SHFL: variants seen among roughly 807,000 people sequenced by gnomAD.
SHFL encodes the protein shiftless antiviral inhibitor of ribosomal frameshifting.
A neutral mutation model predicts 34.7 loss-of-function variants in SHFL; 12 were observed. That is an observed-to-expected ratio of 0.35 (90% CI 0.22 to 0.56). The LOEUF (loss-of-function observed/expected upper bound fraction) is 0.56, where lower values mean the gene tolerates loss of function less well. Ranked by LOEUF, SHFL falls within the 20% of genes least tolerant of loss-of-function variation. The pLI, the probability that SHFL is intolerant of heterozygous loss-of-function variation, is 0.88. For synonymous variants in SHFL, 148 were observed against 156.0 expected (o/e 0.95, Z 0.38); for missense variants, 278 against 411.1 (o/e 0.68, Z 2.80).
Position 10,086,572 on chromosome 19 carries a change from T to A in SHFL, c.21+124T>A, listed in dbSNP as rs958617342. 26 of 965,846 alleles carry A rather than the reference T, an allele frequency of 2.7e-5. No homozygotes were observed. The highest frequency in any genetic ancestry group is 2.9e-4 in the Middle Eastern group (1 of 3,460). 59.8% of individuals were successfully genotyped at this position (965,846 alleles called of 1,614,324 possible). On this transcript the variant is annotated intron_variant, in intron 1 of 7. Transcript: ENST00000253110. The surrounding 1 kb of genome is among the most constrained non-coding windows in gnomAD (Gnocchi z 5.2). Reference sequence around the variant, plus strand: ...TCCTAGAACCCCAGATCCTTACCCCTGCCTGGCGCTCGCCCCCCTTGAAAA... The same window carrying A: ...TCCTAGAACCCCAGATCCTTACCCCAGCCTGGCGCTCGCCCCCCTTGAAAA...
Position 10,086,361 on chromosome 19 carries a change from C to T in SHFL, c.-67C>T. On this transcript the variant is annotated 5_prime_UTR_variant, in exon 1 of 8. Transcript: ENST00000253110. This position sits in a 1 kb window ranked among gnomAD's most constrained non-coding sequence, Gnocchi z 5.2. ...TGCGCGGCTGCTGGACCGACGGGCG[C>T]ACCCAGGTAGGGGGGCGGCTGAGCC... The T allele has an allele frequency of 8.0e-7, 1 of 1,254,898 alleles. No homozygotes were observed. The highest frequency in any genetic ancestry group is 1.0e-6 in the Non-Finnish European group (1 of 990,334). 77.7% of individuals were successfully genotyped at this position (1,254,898 alleles called of 1,614,324 possible).
intron 3 of SHFL, 31 bp downstream of exon 3, chr19:10,087,331 G>A (rs1374033205): frequency 5.0e-6 from 8 of 1,613,614 alleles, no homozygotes; most frequent in East Asian, 2.2e-5. Flanking sequence ...GCAAAGGACC[G>A]GGTCACGGGA....
chr19:10,089,943 A>G lies in SHFL; in HGVS notation c.280A>G (p.Met94Val). 6.2e-7 allele frequency: 1 copy of G among 1,612,094 alleles called. No homozygotes were observed. Residue 94 changes from methionine to valine, a missense_variant, in exon 5 of 8, where the codon ATG (methionine) becomes GTG (valine). Met to Val is a conservative substitution (Grantham distance 21, BLOSUM62 1). Transcript: ENST00000253110. ...LLPLTEANLRMFQRAQDDLIP... is the reference protein window; with the variant it reads ...LLPLTEANLRVFQRAQDDLIP... ...GCCACTGACAGAAGCCAACCTACGC[A>G]TGTTTCAACGTGCCCAGGACGACCT...
chr19:10,087,630 T>C, intron 3 of SHFL: 1 of 357,700 alleles, frequency 2.8e-6, no homozygotes, highest in Non-Finnish European at 5.1e-6. Context: ...GTACCAAGTC[T>C]TAAAGGATGG....
rs2088294206 is a variant in SHFL, at chr19:10,086,809, G to GC, written c.22-120_22-119insC. On this transcript the variant is annotated intron_variant, in intron 1 of 7. Transcript: ENST00000253110. The surrounding 1 kb of genome is among the most constrained non-coding windows in gnomAD (Gnocchi z 5.2). ...GCCGTAAAGGGATGAAAGGCGGGGGGGGGGCGGCGGAGGCCAAAACCAAGG... is the reference window on the plus strand; with the variant it reads ...GCCGTAAAGGGATGAAAGGCGGGGGGCGGGGCGGCGGAGGCCAAAACCAAGG... 2 of 1,200,506 alleles carry GC rather than the reference G, an allele frequency of 1.7e-6. No homozygotes were observed. Among genetic ancestry groups the GC allele is most frequent in the Non-Finnish European group, 1.2e-6 (1 of 860,212 alleles). 74.4% of individuals were successfully genotyped at this position (1,200,506 alleles called of 1,614,324 possible).
chr19:10,089,242 G>T (rs1599274816), intron 3 of SHFL: 1 of 1,505,140 alleles, frequency 6.6e-7, no homozygotes, highest in East Asian at 2.4e-5. Context: ...GGAGTGGCTT[G>T]CCCAAGTCCC....
chr19:10,090,204 C>T (rs2145156301), intron 5 of SHFL, 157 bp downstream of exon 5: 1 of 820,274 alleles, frequency 1.2e-6, no homozygotes, highest in Admixed American at 2.5e-5. Context: ...CTGATCCCAA[C>T]CCCTGACCCA....
chr19:10,092,440 T>TC lies in SHFL; in HGVS notation c.*141dup. The TC allele has an allele frequency of 6.6e-7, 1 of 1,519,924 alleles. No homozygotes were observed. The highest frequency in any genetic ancestry group is 8.8e-7 in the Non-Finnish European group (1 of 1,131,438). 94.2% of individuals were successfully genotyped at this position (1,519,924 alleles called of 1,614,324 possible). On this transcript the variant is annotated 3_prime_UTR_variant, in exon 8 of 8. Coordinates refer to ENST00000253110, the MANE Select transcript of SHFL (RefSeq NM_018381.4). ...GATATTGACGGGGGGGATTCCTGGG[T>TC]CCCATTTTCAGCGCCCAGGGTCACA...
In SHFL at chr19:10,089,928, G is replaced by A. The variant is rs2088352776; in HGVS notation, c.265G>A (p.Glu89Lys). 1.2e-6 allele frequency: 2 copies of A among 1,612,114 alleles called. No homozygotes were observed. Among genetic ancestry groups the A allele is most frequent in the Non-Finnish European group, 1.7e-6 (2 of 1,179,330 alleles). ...GGCGACCTCCCTCCTGCCACTGACA[G>A]AAGCCAACCTACGCATGTTTCAACG... ...AVATSLLPLT[E>K]ANLRMFQRAQ... The change falls in exon 5 of 8, where the codon GAA (glutamate) becomes AAA (lysine). Residue 89 changes from glutamate to lysine, a missense_variant. This residue lies in a region of SHFL where 243 missense variants were observed against 386.2 expected (regional missense o/e 0.63). Transcript: ENST00000253110.
At position 10,086,584 on chromosome 19, in the gene SHFL, G is replaced by T; in HGVS notation, c.21+136G>T. ...AGATCCTTACCCCTGCCTGGCGCTCGCCCCCCTTGAAAAGGAAAGTGACTC... is the reference window on the plus strand; with the variant it reads ...AGATCCTTACCCCTGCCTGGCGCTCTCCCCCCTTGAAAAGGAAAGTGACTC... On this transcript the variant is annotated intron_variant, in intron 1 of 7. Coordinates refer to ENST00000253110, the MANE Select transcript of SHFL (RefSeq NM_018381.4). This position sits in a 1 kb window ranked among gnomAD's most constrained non-coding sequence, Gnocchi z 5.2. The T allele has an allele frequency of 1.1e-6, 1 of 884,996 alleles. No homozygotes were observed. The highest frequency in any genetic ancestry group is 1.6e-6 in the Non-Finnish European group (1 of 639,654). 54.8% of individuals were successfully genotyped at this position (884,996 alleles called of 1,614,324 possible).
chr19:10,092,609 T>G lies in SHFL; in HGVS notation c.*307T>G, dbSNP rs2088416165. 2.5e-6 allele frequency: 4 copies of G among 1,608,592 alleles called. No individual in the cohort carries two copies. In the East Asian group the frequency reaches 8.9e-5, roughly 36 times the overall value. ...CAGAGTCACAGCTTCAGGGGCCGAA[T>G]GAGCATGGCGGCCTTCCTGAGAGAA... On this transcript the variant is annotated 3_prime_UTR_variant, in exon 8 of 8. Transcript: ENST00000253110.
chr19:10,087,138 C>T, intron 2 of SHFL, 86 bp downstream of exon 2: 3 of 1,586,140 alleles, frequency 1.9e-6, no homozygotes, highest in Non-Finnish European at 2.6e-6. Context: ...GCGTTGAGAT[C>T]ACCTCCCCCG....
At position 10,091,540 on chromosome 19, in the gene SHFL, C is replaced by T. The variant is rs1490610484; in HGVS notation, c.553C>T (p.Arg185Trp). The T allele has an allele frequency of 6.4e-7, 1 of 1,550,634 alleles. No individual in the cohort carries two copies. Among genetic ancestry groups the T allele is most frequent in the Non-Finnish European group, 8.7e-7 (1 of 1,146,904 alleles). ...YGCGFPVYPT[R>W]ILPPRWDRDP... ...GTGCGGCTTCCCCGTGTATCCAACACGGATCCTCCCCCCGCGCTGGGACCG... is the reference window on the plus strand; with the variant it reads ...GTGCGGCTTCCCCGTGTATCCAACATGGATCCTCCCCCCGCGCTGGGACCG... The change falls in exon 7 of 8, where the codon CGG (arginine) becomes TGG (tryptophan). Residue 185 changes from arginine (R) to tryptophan (W), a missense_variant. Around this residue, in one of 2 missense-constraint regions of SHFL, gnomAD observed 243 missense variants for 386.2 expected, o/e 0.63. Transcript: ENST00000253110. The surrounding 1 kb of genome is among the most constrained non-coding windows in gnomAD (Gnocchi z 8.2).
In SHFL at chr19:10,092,691, G is replaced by A; in HGVS notation, c.*389G>A. The A allele has an allele frequency of 6.2e-7, 1 of 1,614,068 alleles. No homozygotes were observed. Among genetic ancestry groups the A allele is most frequent in the Non-Finnish European group, 8.5e-7 (1 of 1,179,932 alleles). On this transcript the variant is annotated 3_prime_UTR_variant, in exon 8 of 8. Coordinates refer to ENST00000253110, the MANE Select transcript of SHFL (RefSeq NM_018381.4). ...CACCATCCTGGTAGCGGCTTCGGTA[G>A]TGGCCGCCGTGGTGCCACACACCGT...
In SHFL at chr19:10,093,221, G is replaced by A; in HGVS notation, c.*919G>A. 7.9e-7 allele frequency: 1 copy of A among 1,273,424 alleles called. No homozygotes were observed. The highest frequency in any genetic ancestry group is 1.1e-6 in the Non-Finnish European group (1 of 919,528). 78.9% of individuals were successfully genotyped at this position (1,273,424 alleles called of 1,614,324 possible). On this transcript the variant is annotated 3_prime_UTR_variant, in exon 8 of 8. Transcript: ENST00000253110. ...AGTCCTGACCTTTGTTCTCTTGACG[G>A]AATAAAAGCTTGCTTATCCTTATAC...
In SHFL at chr19:10,086,369, T is replaced by C. The variant is rs2088282829; in HGVS notation, c.-59T>C. ...TGCTGGACCGACGGGCGCACCCAGG[T>C]AGGGGGGCGGCTGAGCCGCGCAGTG... On this transcript the variant is annotated 5_prime_UTR_variant, in exon 1 of 8. Coordinates refer to ENST00000253110, the MANE Select transcript of SHFL (RefSeq NM_018381.4). The surrounding 1 kb of genome is among the most constrained non-coding windows in gnomAD (Gnocchi z 5.2). The C allele has an allele frequency of 1.1e-5, 14 of 1,263,706 alleles. No homozygotes were observed. The highest frequency in any genetic ancestry group is 1.2e-5 in the Non-Finnish European group (12 of 996,556). The allele number at this position is 1,263,706 out of a possible 1,614,324, so 78.3% of individuals were successfully genotyped here.
chr19:10,091,976 C>A lies in SHFL; in HGVS notation c.644-94C>A. 2 of 1,490,578 alleles carry A rather than the reference C, an allele frequency of 1.3e-6. No individual in the cohort carries two copies. The highest frequency in any genetic ancestry group is 2.2e-5 in the Admixed American group (1 of 44,970). 92.3% of individuals were successfully genotyped at this position (1,490,578 alleles called of 1,614,324 possible). A position where few individuals can be genotyped will look rare whatever the true frequency, so the allele number is the denominator to read the frequency against. Reference sequence around the variant, plus strand: ...TGGTCCCCGTATCTGGTGGTCTCAGCTCCTCCCTAGAGCCCCGCGTGGCCT... The same window carrying A: ...TGGTCCCCGTATCTGGTGGTCTCAGATCCTCCCTAGAGCCCCGCGTGGCCT... On this transcript the variant is annotated intron_variant, in intron 7 of 7. Transcript: ENST00000253110. The surrounding 1 kb of genome is among the most constrained non-coding windows in gnomAD (Gnocchi z 8.2).
chr19:10,092,547 G>T lies in SHFL; in HGVS notation c.*245G>T. The T allele has an allele frequency of 6.4e-7, 1 of 1,559,240 alleles. No homozygotes were observed. The highest frequency in any genetic ancestry group is 1.2e-5 in the South Asian group (1 of 83,244). On this transcript the variant is annotated 3_prime_UTR_variant, in exon 8 of 8. Transcript: ENST00000253110. ...GGCCAGAACAACTTGGGCTCCTGCT[G>T]ACCAATGTCCTCTAGGGCCTAGGGG... is the stretch of plus-strand genomic sequence containing the variant.
chr19:10,086,955 G>A lies in SHFL; in HGVS notation c.48G>A (p.Arg16=), dbSNP rs367666774. The A allele has an allele frequency of 4.3e-6, 7 of 1,613,872 alleles. No individual in the cohort carries two copies. The African/African-American group carries it at 5.3e-5, about 12-fold the overall frequency. Residue 16 remains arginine, a synonymous_variant, in exon 2 of 8, where the codon CGG becomes CGA. Transcript: ENST00000253110. The surrounding 1 kb of genome is among the most constrained non-coding windows in gnomAD (Gnocchi z 5.2). ...TGGAGAAGAGCGTCCGGCGCCTCCG[G>A]GAGAAGTTTCATGGGAAGGTATCCT... ...VELEKSVRRL[R]EKFHGKVSSK...
Sources: allele counts gnomAD v4.1 joint callset, GRCh38; gene constraint gnomAD v4.1.1; regional missense constraint gnomAD v4.1.1; non-coding constraint Gnocchi (gnomAD v3.1); transcripts MANE v1.5; gene names NCBI Gene and HGNC (gene_info 2026-07-23, HGNC 2026-07-21).